HERC4: variants seen among roughly 807,000 people sequenced by gnomAD.
The protein encoded by HERC4 is HECT and RLD domain containing E3 ubiquitin protein ligase 4, also known as probable E3 ubiquitin-protein ligase HERC4.
HERC4 carries 28 observed loss-of-function variants against 124.3 expected under a neutral mutation model. That is an observed-to-expected ratio of 0.23 (90% confidence interval 0.17 to 0.31). HERC4 has a LOEUF of 0.31. HERC4 is among the 10% of genes least tolerant of loss of function. The pLI is 1.00. For missense variants in HERC4, 713 were observed against 1,229.3 expected (o/e 0.58, Z 6.28); for synonymous variants, 407 against 421.5 (o/e 0.97, Z 0.42).
chr10:68,068,967 T>C, intron 3 of HERC4: 5 of 782,588 alleles, frequency 6.4e-6, no homozygotes, highest in African/African-American at 1.9e-5. Flanking sequence ...AAGAATGTTG[T>C]AAAACACAAA....
rs761222916 is a variant in HERC4, at chr10:68,014,015, A to T, written c.1069+11T>A. ...ATATATGAAGGAAAGCTTTAATATG[A>T]CAGAACTTACCAATATCTGGTAGAC... is the stretch of plus-strand genomic sequence containing the variant. On this transcript the variant is annotated intron_variant, in intron 9 of 24. Transcript: ENST00000373700. 6.3e-7 allele frequency: 1 copy of T among 1,577,964 alleles called. No homozygotes were observed. Among genetic ancestry groups the T allele is most frequent in the South Asian group, 1.2e-5 (1 of 85,000 alleles).
chr10:68,034,124 T>C lies in HERC4; in HGVS notation c.526A>G (p.Lys176Glu), dbSNP rs540899582. The stretch of plus-strand genomic sequence containing the variant: ...AGCAGCTGCGGTGAAGTTTGCTTTT[T>C]ACAGTCAGTACCTAAACCCAATTGG... ...YGQLGLGTDC[K>E]KQTSPQLLKS... is the part of the protein sequence containing the mutation. The change falls in exon 6 of 25, where the codon AAA becomes GAA. Residue 176 changes from lysine to glutamate, a missense_variant. Lys to Glu is a moderately conservative substitution (Grantham distance 56). Transcript: ENST00000373700. 1 of 1,614,140 alleles carries C rather than the reference T, an allele frequency of 6.2e-7. No homozygotes were observed. Among genetic ancestry groups the C allele is most frequent in the African/African-American group, 1.3e-5 (1 of 75,034 alleles).
chr10:68,038,388 T>A, intron 4 of HERC4: 2 of 383,426 alleles, frequency 5.2e-6, no homozygotes, highest in East Asian at 4.5e-5. Context: ...AAAGAACACA[T>A]CTTGGAAAGA....
chr10:67,943,080 AG>A (rs2033049723), intron 19 of HERC4, among the ~76,000 whole-genome samples: 1 of 152,212 alleles, frequency 6.6e-6, no homozygotes, highest in South Asian at 2.1e-4. Context: ...TTCATATATT[AG>A]GAGTATTACT....
chr10:68,033,840 A>G, intron 6 of HERC4, 125 bp downstream of exon 6: 1 of 710,774 alleles, frequency 1.4e-6, no homozygotes, highest in Non-Finnish European at 2.3e-6. Flanking sequence ...TTTTTAAATA[A>G]CATCTCATCC....
intron 9 of HERC4, among the ~76,000 whole-genome samples, chr10:68,006,344 G>A (rs771839142): frequency 6.6e-6 from 1 of 150,730 alleles, no homozygotes; most frequent in Admixed American, 6.6e-5. Context: ...TGCTGTTGAT[G>A]AAACGCCTCA....
At chr10:67,951,504 C>G (rs1245985661) in intron 19 of HERC4, among the ~76,000 whole-genome samples, 1 of 152,222 alleles carries the variant, frequency 6.6e-6, no homozygotes, top group Non-Finnish European at 1.5e-5. Flanking sequence ...AACCCTTTCA[C>G]TGTTTGTTCT....
chr10:67,950,645 A>T (rs1282592338), intron 19 of HERC4, among the ~76,000 whole-genome samples: 1 of 152,210 alleles, frequency 6.6e-6, no homozygotes, highest in Non-Finnish European at 1.5e-5. Flanking sequence ...GATGAAAGTT[A>T]TATACATAAT....
intron 15 of HERC4, among the ~76,000 whole-genome samples, chr10:67,982,899 G>C (rs190484062): frequency 6.6e-6 from 1 of 151,980 alleles, no homozygotes; most frequent in African/African-American, 2.4e-5. Flanking sequence ...AGGCTGAGAC[G>C]GGTGGATCGC....
chr10:68,059,698 TAATATTATATATCATAATATTA>T lies in HERC4; in HGVS notation c.226+13163_226+13184del, dbSNP rs2040829396. Among the ~76,000 whole-genome samples the T allele has an allele frequency of 4.7e-5, 3 of 63,804 alleles. 1 individual carries two copies. The highest frequency in any genetic ancestry group is 2.7e-4 in the African/African-American group (2 of 7,464). The allele number at this position is 63,804 out of a possible 152,430, so 41.9% of individuals were successfully genotyped here. A position where few individuals can be genotyped will look rare whatever the true frequency, so the allele number is the denominator to read the frequency against. On this transcript the variant is annotated intron_variant, in intron 3 of 24. Transcript: ENST00000373700. Reference sequence around the variant, plus strand: ...TTATATATCATAATATTATATATTATAATATTATATATCATAATATTATATATTATATATCATAATATTATAT... The same window carrying T: ...TTATATATCATAATATTATATATTATTATATTATATATCATAATATTATAT...
intron 9 of HERC4, among the ~76,000 whole-genome samples, chr10:68,005,750 C>G (rs1049201439): frequency 1.2e-4 from 18 of 152,052 alleles, no homozygotes; most frequent in African/African-American, 4.1e-4. Flanking sequence ...ACTGCCCACA[C>G]TGAAGTGCAG....
At chr10:68,011,976 T>C (rs1335067617) in intron 9 of HERC4, among the ~76,000 whole-genome samples, 1 of 152,250 alleles carries the variant, frequency 6.6e-6, no homozygotes, top group East Asian at 1.9e-4. Flanking sequence ...GCTAGACAAC[T>C]TGCTGTAGCA....
chr10:68,049,600 A>AAAAAAC (rs2040188402), intron 3 of HERC4, among the ~76,000 whole-genome samples: 1 of 150,984 alleles, frequency 6.6e-6, no homozygotes, highest in Admixed American at 6.6e-5. Context: ...CAAAAAAAAA[A>AAAAAAC]AAAAAAAAAA....
At chr10:68,041,463 G>A (rs1017376263) in intron 4 of HERC4, among the ~76,000 whole-genome samples, 1 of 152,060 alleles carries the variant, frequency 6.6e-6, no homozygotes, top group Non-Finnish European at 1.5e-5. Flanking sequence ...GGCAGGAATT[G>A]TAATATATCT....
chr10:67,967,433 G>A (rs1409610954), intron 15 of HERC4, among the ~76,000 whole-genome samples: 1 of 152,128 alleles, frequency 6.6e-6, no homozygotes, highest in Non-Finnish European at 1.5e-5. Flanking sequence ...CTTATGGTTG[G>A]GAAATGGGAC....
At chr10:67,967,454 A>G (rs750679197) in intron 15 of HERC4, among the ~76,000 whole-genome samples, 51 of 152,198 alleles carry the variant, frequency 3.4e-4, no homozygotes, top group Non-Finnish European at 6.8e-4. Context: ...CTTAATAATA[A>G]TAGCAGCTAA....
chr10:68,039,555 A>C, intron 4 of HERC4: 1 of 1,539,288 alleles, frequency 6.5e-7, no homozygotes, highest in Non-Finnish European at 8.8e-7. Flanking sequence ...TTGTATTAAA[A>C]ATATTTTTAT....
chr10:68,067,446 G>A (rs753552505), intron 3 of HERC4, among the ~76,000 whole-genome samples: 2 of 152,100 alleles, frequency 1.3e-5, no homozygotes, highest in Non-Finnish European at 2.9e-5. Context: ...GTTATAAAAC[G>A]CAATGAGCTT....
intron 3 of HERC4, among the ~76,000 whole-genome samples, chr10:68,059,136 A>G (rs548251727): frequency 3.9e-5 from 6 of 152,204 alleles, no homozygotes; most frequent in Admixed American, 3.9e-4. Context: ...TGTCTTTAAA[A>G]AAAGTTAATA....
Sources: gnomAD v4.1 joint callset for allele counts (sites outside exome capture counted in the v4.1 genomes callset) on GRCh38, gnomAD v4.1.1 for gene constraint, MANE v1.5 for transcripts, NCBI Gene and HGNC (gene_info 2026-07-23, HGNC 2026-07-21) for gene names.